Variants in TMEM131 observed in about 807,000 individuals in gnomAD.
TMEM131 encodes 2610524E03Rik.
TMEM131 carries 66 observed loss-of-function variants against 211.6 expected under a neutral mutation model. The ratio of observed to expected loss-of-function variants is 0.31; its 90% CI spans 0.26 to 0.38. The LOEUF (loss-of-function observed/expected upper bound fraction) is 0.38. Among genes scored for constraint, TMEM131 ranks in the 10% least tolerant of loss-of-function variants. The pLI is 1.00. For synonymous variants in TMEM131, 844 were observed against 841.3 expected (o/e 1.00, Z -0.06); for missense variants, 2,036 against 2,299.3 (o/e 0.89, Z 2.34).
chr2:97,847,879 T>C (rs914117747), intron 5 of TMEM131, among the ~76,000 whole-genome samples: 50 of 152,108 alleles, frequency 3.3e-4, no homozygotes, highest in African/African-American at 9.2e-4. Context: ...TTAAAGTTAA[T>C]TCAAAAGAAC....
At position 97,814,361 on chromosome 2, in the gene TMEM131, T is replaced by A; in HGVS notation, c.1320A>T (p.Thr440=). 3 of 1,610,576 alleles carry A rather than the reference T, an allele frequency of 1.9e-6. No homozygotes were observed. Among genetic ancestry groups the A allele is most frequent in the Non-Finnish European group, 2.5e-6 (3 of 1,178,548 alleles). The part of the protein sequence containing the change: ...DGYLGFDHAA[T]LFHIRDSPAD... ...CAGGGCTGTCTCGGATGTGAAATAATGTTGCAGCATGATCAAATCCCAAAT... is the reference window on the plus strand; with the variant it reads ...CAGGGCTGTCTCGGATGTGAAATAAAGTTGCAGCATGATCAAATCCCAAAT... Residue 440 remains threonine (T), a synonymous_variant, in exon 14 of 41, where the codon ACA becomes ACT. Coordinates refer to ENST00000186436, the MANE Select transcript of TMEM131 (RefSeq NM_015348.2).
At chr2:97,938,754 C>G (rs1367724242) in intron 1 of TMEM131, among the ~76,000 whole-genome samples, 1 of 152,178 alleles carries the variant, frequency 6.6e-6, no homozygotes, top group Non-Finnish European at 1.5e-5. Flanking sequence ...CGCACTTATT[C>G]CAAAATTGAC....
intron 1 of TMEM131, among the ~76,000 whole-genome samples, chr2:97,968,878 T>C (rs1679173069): frequency 1.3e-5 from 2 of 151,806 alleles, no homozygotes; most frequent in Admixed American, 6.6e-5. Context: ...AGGTCTGGAG[T>C]TCGAGACCAG....
At chr2:97,859,576 A>G in intron 4 of TMEM131, 149 bp from the exon 5 acceptor site, 1 of 766,100 alleles carries the variant, frequency 1.3e-6, no homozygotes, top group South Asian at 2.3e-5. Context: ...TTACACATAA[A>G]AATGCATTTA....
chr2:97,843,880 A>G (rs1299578064), intron 6 of TMEM131, among the ~76,000 whole-genome samples: 1 of 152,190 alleles, frequency 6.6e-6, no homozygotes, highest in Non-Finnish European at 1.5e-5. Flanking sequence ...ACAAAATTTT[A>G]TAAGTCAGCA....
At chr2:97,784,253 A>G (rs548480968) in intron 31 of TMEM131, among the ~76,000 whole-genome samples, 6 of 152,214 alleles carry the variant, frequency 3.9e-5, no homozygotes, top group African/African-American at 1.4e-4. Context: ...AGTCCACACA[A>G]AACAGGAGAA....
At chr2:97,914,329 T>A (rs1676415278) in intron 2 of TMEM131, among the ~76,000 whole-genome samples, 1 of 152,192 alleles carries the variant, frequency 6.6e-6, no homozygotes, top group African/African-American at 2.4e-5. Flanking sequence ...TGGCATAACA[T>A]CACAAGCAGC....
intron 4 of TMEM131, among the ~76,000 whole-genome samples, chr2:97,880,590 G>C (rs1291022687): frequency 6.6e-6 from 1 of 152,138 alleles, no homozygotes; most frequent in East Asian, 1.9e-4. Flanking sequence ...GAGGAATCCA[G>C]GAAGCCTGAA....
chr2:97,858,046 C>A (rs986782362), intron 5 of TMEM131, among the ~76,000 whole-genome samples: 1 of 152,020 alleles, frequency 6.6e-6, no homozygotes, highest in Non-Finnish European at 1.5e-5. Context: ...TTATAAAATA[C>A]CTTTAAATGA....
intron 11 of TMEM131, among the ~76,000 whole-genome samples, chr2:97,822,493 A>G (rs1420163638): frequency 6.6e-6 from 1 of 152,192 alleles, no homozygotes; most frequent in Non-Finnish European, 1.5e-5. Context: ...AGGATGGGGT[A>G]AAGTCCCAAC....
Position 97,813,656 on chromosome 2 carries a change from C to T in TMEM131, c.1617+315G>A, listed in dbSNP as rs75447422. On this transcript the variant is annotated intron_variant, in intron 15 of 40. Coordinates refer to ENST00000186436, the MANE Select transcript of TMEM131 (RefSeq NM_015348.2). The stretch of plus-strand genomic sequence containing the variant: ...CTTCCTTGTATTATTCTTTTTCTAC[C>T]TATCATTTTTCTATTTAGTTCTTTT... Among the ~76,000 whole-genome samples, 523 of 152,138 alleles carry T rather than the reference C, an allele frequency of 3.4e-3. 7 individuals carry two copies. In the East Asian group the frequency reaches 0.042, roughly 12 times the overall value.
At chr2:97,927,296 A>T in intron 2 of TMEM131, 130 bp downstream of exon 2, 1 of 616,846 alleles carries the variant, frequency 1.6e-6, no homozygotes, top group Non-Finnish European at 2.6e-6. Flanking sequence ...TAAAGACTCT[A>T]CTGACCTATC....
chr2:97,858,404 G>C (rs1673932623), intron 5 of TMEM131, among the ~76,000 whole-genome samples: 1 of 152,154 alleles, frequency 6.6e-6, no homozygotes, highest in Admixed American at 6.5e-5. Context: ...TTTTAATAAT[G>C]AGTTTACATA....
In TMEM131 at chr2:97,756,869, C is replaced by T; in HGVS notation, c.*230G>A. ...GTACAGGTCTTATTAGAGTTTGTGG[C>T]TGAGTCCAGACTTTTCTCTAAAAGC... On this transcript the variant is annotated 3_prime_UTR_variant, in exon 41 of 41. Transcript: ENST00000186436. 6.8e-6 allele frequency: 3 copies of T among 442,002 alleles called. No individual in the cohort carries two copies. Among genetic ancestry groups the T allele is most frequent in the Non-Finnish European group, 1.2e-5 (3 of 256,450 alleles). 27.4% of individuals were successfully genotyped at this position (442,002 alleles called of 1,614,324 possible). A position where few individuals can be genotyped will look rare whatever the true frequency, so the allele number is the denominator to read the frequency against.
At chr2:97,795,971 C>T (rs9653471) in intron 28 of TMEM131, among the ~76,000 whole-genome samples, 5 of 151,840 alleles carry the variant, frequency 3.3e-5, no homozygotes, top group Non-Finnish European at 7.4e-5. Context: ...TGATCCACTT[C>T]GGAGATAAAG....
intron 1 of TMEM131, among the ~76,000 whole-genome samples, chr2:97,972,757 A>T (rs1396115270): frequency 2.6e-5 from 4 of 152,108 alleles, no homozygotes; most frequent in Non-Finnish European, 5.9e-5. Context: ...TAAAAGTGGA[A>T]GAGGGAGGCA....
chr2:97,784,652 A>T (rs1159684505), intron 31 of TMEM131, among the ~76,000 whole-genome samples: 1 of 152,126 alleles, frequency 6.6e-6, no homozygotes. Context: ...ACGGGGGGGA[A>T]AGTCCTGTAT....
intron 1 of TMEM131, among the ~76,000 whole-genome samples, chr2:97,976,087 G>A (rs1029772299): frequency 2.0e-5 from 3 of 152,056 alleles, no homozygotes; most frequent in Non-Finnish European, 2.9e-5. Context: ...AAAAACCTAT[G>A]GCTAACAGCA....
At chr2:97,921,777 C>T (rs1028061045) in intron 2 of TMEM131, among the ~76,000 whole-genome samples, 1 of 151,970 alleles carries the variant, frequency 6.6e-6, no homozygotes, top group Admixed American at 6.6e-5. Flanking sequence ...AGGAAGATAT[C>T]CAAATGGTCA....
Sources: gnomAD v4.1 joint callset for allele counts (sites outside exome capture counted in the v4.1 genomes callset) on GRCh38, gnomAD v4.1.1 for gene constraint, MANE v1.5 for transcripts, NCBI Gene and HGNC (gene_info 2026-07-23, HGNC 2026-07-21) for gene names.